CDCP1: variants seen among roughly 807,000 people sequenced by gnomAD.
CDCP1 encodes the protein CUB domain-containing protein 1.
Under a neutral mutation model 60.2 loss-of-function variants are expected in CDCP1, and 29 were observed. The observed-to-expected ratio is 0.48, with a 90% CI of 0.36 to 0.66. The LOEUF is 0.66. Ranked by LOEUF, CDCP1 falls within the 30% of genes least tolerant of loss-of-function variation. CDCP1 has a pLI of 0.00. For synonymous variants in CDCP1, 387 were observed against 431.1 expected, an observed-to-expected ratio of 0.90 and a Z score of 1.27; for missense variants, 876 against 1,074.3, an observed-to-expected ratio of 0.82 and a Z score of 2.58.
chr3:45,090,897 C>T (rs945594139), intron 7 of CDCP1, among the ~76,000 whole-genome samples: 1 of 152,174 alleles, frequency 6.6e-6, no homozygotes, highest in Non-Finnish European at 1.5e-5. Flanking sequence ...TCTAGCCAAC[C>T]TGCAGCTGCC....
In CDCP1 at chr3:45,112,210, G is replaced by A. The variant is rs757772138; in HGVS notation, c.528C>T (p.Thr176=). The A allele has an allele frequency of 1.5e-5, 24 of 1,614,114 alleles. No individual in the cohort carries two copies. Among genetic ancestry groups the A allele is most frequent in the Non-Finnish European group, 1.9e-5 (22 of 1,180,042 alleles). The change falls in exon 3 of 9, where the codon ACC becomes ACT. Residue 176 remains threonine, a synonymous_variant. Coordinates refer to ENST00000296129, the MANE Select transcript of CDCP1 (RefSeq NM_022842.5). ...GGGACACAGTGCCATTGCTGCAGAAGGTTCCGATCCTGACCACGGTGGCAT... is the reference window on the plus strand; with the variant it reads ...GGGACACAGTGCCATTGCTGCAGAAAGTTCCGATCCTGACCACGGTGGCAT... ...RIDATVVRIG[T]FCSNGTVSRI...
intron 2 of CDCP1, among the ~76,000 whole-genome samples, chr3:45,118,152 C>T (rs1298929421): frequency 1.3e-5 from 2 of 152,180 alleles, no homozygotes; most frequent in Non-Finnish European, 2.9e-5. Context: ...TGATCTTCTG[C>T]TTACTAGTTG....
chr3:45,126,155 T>TTTCTTTCTTTCTTTCC (rs2126003996), intron 1 of CDCP1, among the ~76,000 whole-genome samples: 1 of 143,406 alleles, frequency 7.0e-6, no homozygotes, highest in African/African-American at 2.7e-5. Flanking sequence ...TCTTTCTTTC[T>TTTCTTTCTTTCTTTCC]TTCTTTCTTT....
intron 1 of CDCP1, among the ~76,000 whole-genome samples, chr3:45,127,938 A>C (rs1190316876): frequency 1.3e-5 from 2 of 152,200 alleles, no homozygotes; most frequent in East Asian, 3.9e-4. Context: ...AGGTCTGGAG[A>C]AAGGGATGGG....
intron 1 of CDCP1, among the ~76,000 whole-genome samples, chr3:45,136,703 G>A (rs914536176): frequency 6.6e-5 from 10 of 152,186 alleles, no homozygotes; most frequent in Admixed American, 6.5e-4. Flanking sequence ...ATTCTTGCAG[G>A]AAGTAACTTT....
chr3:45,137,690 C>A (rs139361111), intron 1 of CDCP1, among the ~76,000 whole-genome samples: 1 of 148,746 alleles, frequency 6.7e-6, no homozygotes, highest in Non-Finnish European at 1.5e-5. Flanking sequence ...CATGGTGGCA[C>A]GTGCCTGTAA....
chr3:45,094,424 G>A (rs550512844), intron 5 of CDCP1, among the ~76,000 whole-genome samples: 1 of 151,922 alleles, frequency 6.6e-6, no homozygotes, highest in South Asian at 2.1e-4. Context: ...ATGGGGTTTC[G>A]CCATGTTGGG....
At chr3:45,090,018 A>G (rs1250382467) in intron 7 of CDCP1, among the ~76,000 whole-genome samples, 1 of 152,246 alleles carries the variant, frequency 6.6e-6, no homozygotes, top group Non-Finnish European at 1.5e-5. Flanking sequence ...AGAAAACAAA[A>G]GGTGAGATCC....
At chr3:45,122,133 G>T (rs1416075780) in intron 1 of CDCP1, among the ~76,000 whole-genome samples, 1 of 147,180 alleles carries the variant, frequency 6.8e-6, no homozygotes, top group Non-Finnish European at 1.5e-5. Context: ...AAAGAAAAAT[G>T]TATAATCTGT....
chr3:45,127,081 T>C (rs947715810), intron 1 of CDCP1, among the ~76,000 whole-genome samples: 13 of 152,332 alleles, frequency 8.5e-5, no homozygotes, highest in African/African-American at 2.9e-4. Flanking sequence ...CAAGGTAGAA[T>C]GAAGTATTTC....
At chr3:45,120,934 T>C (rs1698871644) in intron 1 of CDCP1, among the ~76,000 whole-genome samples, 1 of 151,856 alleles carries the variant, frequency 6.6e-6, no homozygotes, top group Admixed American at 6.6e-5. Context: ...TCAGTCCTCC[T>C]GAACCCTGCG....
At chr3:45,109,799 CG>C (rs1321665540) in intron 4 of CDCP1, among the ~76,000 whole-genome samples, 1 of 151,966 alleles carries the variant, frequency 6.6e-6, no homozygotes, top group Non-Finnish European at 1.5e-5. Context: ...GCCTTAACTC[CG>C]CTTTTCTATG....
intron 1 of CDCP1, among the ~76,000 whole-genome samples, chr3:45,124,080 A>G (rs542608246): frequency 1.3e-5 from 2 of 152,290 alleles, no homozygotes; most frequent in South Asian, 2.1e-4. Flanking sequence ...CTGGGCAGGC[A>G]GGGTTGGGGG....
intron 1 of CDCP1, among the ~76,000 whole-genome samples, chr3:45,130,124 C>CTT (rs11351394): frequency 5.5e-5 from 8 of 144,676 alleles, no homozygotes; most frequent in East Asian, 2.0e-4. Context: ...AATAAAACAA[C>CTT]TTTTTTTTTT....
At position 45,110,442 on chromosome 3, in the gene CDCP1, A is replaced by G. The variant is rs575163495; in HGVS notation, c.1024+31T>C. 2.5e-6 allele frequency: 4 copies of G among 1,607,910 alleles called. No individual in the cohort carries two copies. The Admixed American group carries it at 5.0e-5, about 20-fold the overall frequency. On this transcript the variant is annotated intron_variant, in intron 4 of 8. Transcript: ENST00000296129. ...CAGGAAACAACGAAGGTGCTGGAGG[A>G]GGAAGAAAAAGGAAAGTGGGGCTCA... is the stretch of plus-strand genomic sequence containing the variant.
At chr3:45,145,130 G>T (rs1211377929) in intron 1 of CDCP1, among the ~76,000 whole-genome samples, 2 of 152,042 alleles carry the variant, frequency 1.3e-5, no homozygotes, top group Admixed American at 6.6e-5. Context: ...TGATATTTTA[G>T]AAGCTCCTGT....
intron 6 of CDCP1, among the ~76,000 whole-genome samples, chr3:45,092,246 G>A (rs990778520): frequency 1.3e-5 from 2 of 152,320 alleles, no homozygotes; most frequent in East Asian, 3.9e-4. Context: ...TCCCAAACTG[G>A]TGGTTATCTC....
intron 7 of CDCP1, among the ~76,000 whole-genome samples, chr3:45,089,938 G>C (rs1463963277): frequency 2.6e-5 from 4 of 152,048 alleles, no homozygotes; most frequent in Admixed American, 2.0e-4. Flanking sequence ...CTGCACAAAG[G>C]AAAAAGAAAA....
chr3:45,105,763 C>A (rs1334738521), intron 4 of CDCP1, among the ~76,000 whole-genome samples: 1 of 152,102 alleles, frequency 6.6e-6, no homozygotes, highest in Non-Finnish European at 1.5e-5. Context: ...GCCACTTGAA[C>A]CTTTAGAAAT....
Sources: allele counts gnomAD v4.1 joint callset (sites outside exome capture counted in the v4.1 genomes callset), GRCh38; gene constraint gnomAD v4.1.1; transcripts MANE v1.5; gene names NCBI Gene and HGNC (gene_info 2026-07-23, HGNC 2026-07-21).